Variants in ZFAND3 observed in about 807,000 individuals in gnomAD.
ZFAND3 encodes AN1-type zinc finger protein 3.
In ZFAND3, 10 loss-of-function variants were observed where a neutral mutation model predicts 29.6. That is an observed-to-expected ratio of 0.34 (90% CI 0.21 to 0.57). The LOEUF (loss-of-function observed/expected upper bound fraction) is 0.57, where lower values mean the gene tolerates loss of function less well. ZFAND3 is among the 20% of genes least tolerant of loss of function. The pLI, the probability that ZFAND3 is intolerant of heterozygous loss-of-function variation, is 0.86. For missense variants in ZFAND3, 230 were observed against 304.5 expected, an observed-to-expected ratio of 0.76 and a Z score of 1.82; for synonymous variants, 128 against 112.6, an observed-to-expected ratio of 1.14 and a Z score of -0.87.
chr6:37,972,189 TCAGCA>T (rs1338880593), intron 2 of ZFAND3, among the ~76,000 whole-genome samples: 2 of 152,148 alleles, frequency 1.3e-5, no homozygotes, highest in Non-Finnish European at 2.9e-5. Context: ...TATACCTCAC[TCAGCA>T]CATTACCCAT....
At chr6:37,925,812 C>T (rs1761474701) in intron 1 of ZFAND3, among the ~76,000 whole-genome samples, 2 of 151,928 alleles carry the variant, frequency 1.3e-5, no homozygotes, top group South Asian at 4.1e-4. Flanking sequence ...GTGGGAAATA[C>T]TGAGAATTCT....
At chr6:37,874,695 G>GT (rs1038852992) in intron 1 of ZFAND3, among the ~76,000 whole-genome samples, 4 of 152,032 alleles carry the variant, frequency 2.6e-5, no homozygotes, top group African/African-American at 9.7e-5. Flanking sequence ...TGTTGCCAGG[G>GT]GTTTAGGGTA....
At chr6:38,060,931 C>T (rs549431952) in intron 2 of ZFAND3, among the ~76,000 whole-genome samples, 4 of 152,166 alleles carry the variant, frequency 2.6e-5, no homozygotes, top group African/African-American at 9.6e-5. Context: ...TTTTTGCATC[C>T]CGTGAATATT....
intron 2 of ZFAND3, among the ~76,000 whole-genome samples, chr6:38,014,142 G>A (rs529196189): frequency 5.9e-4 from 90 of 152,146 alleles, no homozygotes; most frequent in African/African-American, 2.1e-3. Context: ...AAATGTAAAC[G>A]GTTGCTGAAT....
chr6:37,919,140 G>A (rs1761324787), intron 1 of ZFAND3, among the ~76,000 whole-genome samples: 1 of 151,872 alleles, frequency 6.6e-6, no homozygotes, highest in African/African-American at 2.4e-5. Flanking sequence ...TTTTAGTAGA[G>A]ACGGGGTTTC....
intron 2 of ZFAND3, among the ~76,000 whole-genome samples, chr6:38,059,597 C>T (rs1764196062): frequency 6.6e-6 from 1 of 152,110 alleles, no homozygotes; most frequent in African/African-American, 2.4e-5. Context: ...GGTTTAAGGC[C>T]ACAGGCGCTG....
intron 1 of ZFAND3, among the ~76,000 whole-genome samples, chr6:37,827,194 C>T (rs1479377821): frequency 6.6e-6 from 1 of 152,162 alleles, no homozygotes; most frequent in African/African-American, 2.4e-5. Context: ...GGATGTGTTC[C>T]TTTGGTCAGG....
At chr6:37,923,423 G>A (rs1482102963) in intron 1 of ZFAND3, among the ~76,000 whole-genome samples, 1 of 152,292 alleles carries the variant, frequency 6.6e-6, no homozygotes, top group East Asian at 1.9e-4. Flanking sequence ...TTGGTATGGA[G>A]CTGTCATCTC....
intron 5 of ZFAND3, 96 bp downstream of exon 5, chr6:38,116,835 C>G: frequency 1.4e-6 from 2 of 1,473,556 alleles, no homozygotes; most frequent in East Asian, 2.3e-5. Context: ...CGTTCTTCTT[C>G]TGAGTACTGT....
chr6:37,961,178 C>A (rs750372169), intron 2 of ZFAND3, among the ~76,000 whole-genome samples: 3 of 152,194 alleles, frequency 2.0e-5, no homozygotes, highest in Non-Finnish European at 4.4e-5. Context: ...GAGCCCACTC[C>A]CTTGAAAAGT....
At chr6:38,120,318 T>TC (rs1765506486) in intron 5 of ZFAND3, among the ~76,000 whole-genome samples, 1 of 133,118 alleles carries the variant, frequency 7.5e-6, no homozygotes, top group Non-Finnish European at 1.6e-5. Flanking sequence ...TAGCTTGGCT[T>TC]CCTTTTTTTT....
intron 1 of ZFAND3, among the ~76,000 whole-genome samples, chr6:37,862,726 A>C (rs1286380958): frequency 2.6e-5 from 4 of 151,828 alleles, no homozygotes; most frequent in Non-Finnish European, 5.9e-5. Flanking sequence ...AACAAAACAA[A>C]AAAAAAACAA....
chr6:38,037,849 C>T (rs1051355430), intron 2 of ZFAND3, among the ~76,000 whole-genome samples: 6 of 152,336 alleles, frequency 3.9e-5, no homozygotes, highest in Non-Finnish European at 8.8e-5. Flanking sequence ...ACAATCCCAT[C>T]ATATTCCTGA....
At chr6:37,933,813 C>G (rs553780285) in intron 2 of ZFAND3, among the ~76,000 whole-genome samples, 1 of 151,470 alleles carries the variant, frequency 6.6e-6, no homozygotes, top group East Asian at 1.9e-4. Flanking sequence ...TTATCATTAA[C>G]CCTGGTTTGG....
intron 1 of ZFAND3, among the ~76,000 whole-genome samples, chr6:37,911,016 T>C (rs1338407873): frequency 2.6e-5 from 4 of 152,232 alleles, no homozygotes; most frequent in Non-Finnish European, 5.9e-5. Flanking sequence ...GGAGTGTAGA[T>C]ATCTCTTCAG....
At chr6:37,977,989 T>G (rs1762519037) in intron 2 of ZFAND3, among the ~76,000 whole-genome samples, 1 of 151,528 alleles carries the variant, frequency 6.6e-6, no homozygotes, top group Non-Finnish European at 1.5e-5. Context: ...TAGAGTGCAG[T>G]GGCTTGATCT....
intron 1 of ZFAND3, among the ~76,000 whole-genome samples, chr6:37,904,247 G>A (rs1222356080): frequency 6.6e-6 from 1 of 152,172 alleles, no homozygotes; most frequent in African/African-American, 2.4e-5. Context: ...AATGGGCGAA[G>A]TTCCATCATA....
intron 2 of ZFAND3, among the ~76,000 whole-genome samples, chr6:37,937,622 T>C (rs1183528357): frequency 8.7e-6 from 1 of 114,850 alleles, no homozygotes; most frequent in Non-Finnish European, 1.6e-5. Context: ...GCTGCTGTAC[T>C]CCAGCCTAGC....
chr6:37,833,915 A>G (rs1438667021), intron 1 of ZFAND3, among the ~76,000 whole-genome samples: 3 of 151,936 alleles, frequency 2.0e-5, no homozygotes, highest in African/African-American at 7.3e-5. Context: ...GAGAGTTCCC[A>G]TATACCCTTT....
Sources: gnomAD v4.1 joint callset for allele counts (sites outside exome capture counted in the v4.1 genomes callset) on GRCh38, gnomAD v4.1.1 for gene constraint, MANE v1.5 for transcripts, NCBI Gene and HGNC (gene_info 2026-07-23, HGNC 2026-07-21) for gene names.